DLG2: variants seen among roughly 807,000 people sequenced by gnomAD.
DLG2 encodes disks large homolog 2.
In DLG2, 45 loss-of-function variants were observed where a neutral mutation model predicts 132.5. The ratio of observed to expected loss-of-function variants is 0.34; its 90% CI spans 0.27 to 0.44. The LOEUF is 0.44. Among genes scored for constraint, DLG2 ranks in the 20% least tolerant of loss-of-function variants. DLG2 has a pLI of 1.00. For synonymous variants in DLG2, 424 were observed against 419.6 expected, an observed-to-expected ratio of 1.01 and a Z score of -0.13; for missense variants, 1,045 against 1,196.9, an observed-to-expected ratio of 0.87 and a Z score of 1.87.
At chr11:83,899,134 A>T (rs920329558) in intron 15 of DLG2, among the ~76,000 whole-genome samples, 4 of 151,232 alleles carry the variant, frequency 2.6e-5, no homozygotes, top group Non-Finnish European at 5.9e-5. Flanking sequence ...CTTTGAATAC[A>T]TGACTTACTC....
intron 6 of DLG2, among the ~76,000 whole-genome samples, chr11:84,751,522 C>T (rs752979875): frequency 2.6e-5 from 4 of 151,884 alleles, no homozygotes; most frequent in Admixed American, 6.6e-5. Flanking sequence ...TGTGTGGTGA[C>T]GTACATGGAA....
At chr11:85,434,679 T>G (rs148209428) in intron 3 of DLG2, among the ~76,000 whole-genome samples, 64 of 152,228 alleles carry the variant, frequency 4.2e-4, no homozygotes, top group African/African-American at 1.5e-3. Flanking sequence ...AAGGCAGTAA[T>G]AAATAGCCTA....
intron 6 of DLG2, among the ~76,000 whole-genome samples, chr11:84,629,509 T>A (rs891855034): frequency 1.3e-5 from 2 of 152,188 alleles, no homozygotes; most frequent in African/African-American, 4.8e-5. Flanking sequence ...GTTCATTTGA[T>A]CACACCGGCA....
intron 14 of DLG2, among the ~76,000 whole-genome samples, chr11:83,944,225 T>A (rs1405974727): frequency 6.6e-6 from 1 of 152,220 alleles, no homozygotes; most frequent in East Asian, 1.9e-4. Context: ...CAACCATACA[T>A]ATGGCTTTCC....
intron 7 of DLG2, among the ~76,000 whole-genome samples, chr11:84,485,596 G>A (rs1451080750): frequency 6.6e-6 from 1 of 152,160 alleles, no homozygotes; most frequent in African/African-American, 2.4e-5. Context: ...CAAAGCAATT[G>A]TGAATATAGA....
intron 3 of DLG2, among the ~76,000 whole-genome samples, chr11:85,590,351 A>G (rs2079232964): frequency 6.6e-6 from 1 of 152,232 alleles, no homozygotes; most frequent in South Asian, 2.1e-4. Context: ...CTGTGCCAGA[A>G]ATATAAACAA....
chr11:84,004,549 C>A (rs1263610796), intron 11 of DLG2, among the ~76,000 whole-genome samples: 1 of 151,922 alleles, frequency 6.6e-6, no homozygotes, highest in African/African-American at 2.4e-5. Flanking sequence ...CCACAAAATA[C>A]TACACCAAAA....
intron 6 of DLG2, among the ~76,000 whole-genome samples, chr11:84,667,498 G>GTTTTTTTTTTTTTTTTTTTTTTTTTGT (rs57863742): frequency 1.6e-5 from 2 of 122,272 alleles, no homozygotes; most frequent in African/African-American, 3.1e-5. Context: ...TTTGTTTTTT[G>GTTTTTTTTTTTTTTTTTTTTTTTTTGT]TTTTTTTTTT....
chr11:83,995,801 A>T (rs2093991452), intron 11 of DLG2, among the ~76,000 whole-genome samples: 1 of 152,162 alleles, frequency 6.6e-6, no homozygotes, highest in Non-Finnish European at 1.5e-5. Context: ...ACCCCTAACT[A>T]TTGCCATATA....
At chr11:85,077,561 T>C (rs1411080338) in intron 6 of DLG2, among the ~76,000 whole-genome samples, 2 of 151,992 alleles carry the variant, frequency 1.3e-5, no homozygotes, top group East Asian at 3.9e-4. Context: ...TAAATGCCAG[T>C]GAATGGAAAG....
At chr11:85,432,929 T>A (rs933824344) in intron 3 of DLG2, among the ~76,000 whole-genome samples, 1 of 152,112 alleles carries the variant, frequency 6.6e-6, no homozygotes, top group African/African-American at 2.4e-5. Context: ...AAAGGCTACA[T>A]CACCTACCAA....
At chr11:85,169,384 A>G (rs1024192537) in intron 4 of DLG2, among the ~76,000 whole-genome samples, 2 of 152,178 alleles carry the variant, frequency 1.3e-5, no homozygotes, top group Admixed American at 6.5e-5. Context: ...AACTGATAAC[A>G]TGAAAAACGG....
At chr11:83,998,016 T>C (rs1261569206) in intron 11 of DLG2, among the ~76,000 whole-genome samples, 1 of 151,540 alleles carries the variant, frequency 6.6e-6, no homozygotes, top group African/African-American at 2.4e-5. Flanking sequence ...GCACCTCTAA[T>C]CCCAGCTACT....
rs191684296 is a variant in DLG2, at chr11:83,499,762, A to G, written c.2194-15534T>C. On this transcript the variant is annotated intron_variant, in intron 21 of 27. Transcript: ENST00000376104. ...ATCTTGTGATCTTGTGAGTTAATAC[A>G]TAATAAACTCCCATATATATATATT... Among the ~76,000 whole-genome samples, 944 of 145,214 alleles carry G rather than the reference A, an allele frequency of 6.5e-3. 17 individuals are homozygous for G. The highest frequency in any genetic ancestry group is 0.023 in the African/African-American group (915 of 39,712).
intron 3 of DLG2, among the ~76,000 whole-genome samples, chr11:85,500,561 T>TAA (rs147303724): frequency 7.2e-5 from 2 of 27,836 alleles, no homozygotes; most frequent in Non-Finnish European, 1.2e-4. Context: ...AAAAATAAAA[T>TAA]AAATAAATAA....
chr11:83,598,529 C>T (rs1228921221), intron 19 of DLG2, among the ~76,000 whole-genome samples: 1 of 152,194 alleles, frequency 6.6e-6, no homozygotes, highest in East Asian at 1.9e-4. Context: ...TTGATTTCCT[C>T]TGTCCCAGCT....
At chr11:84,436,910 G>A (rs750745688) in intron 7 of DLG2, among the ~76,000 whole-genome samples, 39 of 152,240 alleles carry the variant, frequency 2.6e-4, no homozygotes, top group South Asian at 4.1e-4. Context: ...TCTGGTCAAC[G>A]TTACTGAGAG....
At chr11:85,446,733 T>C (rs975451949) in intron 3 of DLG2, among the ~76,000 whole-genome samples, 5 of 152,064 alleles carry the variant, frequency 3.3e-5, no homozygotes, top group Admixed American at 2.0e-4. Flanking sequence ...GTGTCCTAAC[T>C]GGAGCTACCT....
chr11:85,221,168 G>A (rs1382699699), intron 4 of DLG2, among the ~76,000 whole-genome samples: 3 of 151,340 alleles, frequency 2.0e-5, no homozygotes, highest in Non-Finnish European at 2.9e-5. Flanking sequence ...TCAGCCTCTC[G>A]AGTAGCTGGG....
Sources: gnomAD v4.1 joint callset for allele counts (sites outside exome capture counted in the v4.1 genomes callset) on GRCh38, gnomAD v4.1.1 for gene constraint, MANE v1.5 for transcripts, NCBI Gene and HGNC (gene_info 2026-07-23, HGNC 2026-07-21) for gene names.